HROB: variants seen among roughly 807,000 people sequenced by gnomAD.
The protein encoded by HROB is homologous recombination OB-fold protein.
A neutral mutation model predicts 61.0 loss-of-function variants in HROB; 44 were observed. The observed-to-expected ratio is 0.72, with a 90% CI of 0.57 to 0.93. The LOEUF is 0.93. Among genes scored for constraint, HROB ranks in the 40% least tolerant of loss-of-function variants. The pLI, the probability that HROB is intolerant of heterozygous loss-of-function variation, is 0.00. For missense variants in HROB, 716 were observed against 796.2 expected (o/e 0.90, Z 1.21); for synonymous variants, 301 against 310.4 (o/e 0.97, Z 0.32).
chr17:44,155,824 C>T (rs1246502950), intron 8 of HROB, among the ~76,000 whole-genome samples: 1 of 152,204 alleles, frequency 6.6e-6, no homozygotes, highest in Admixed American at 6.5e-5. Context: ...TCTGTGTCTT[C>T]CCTCTTGGCA....
At position 44,147,908 on chromosome 17, in the gene HROB, G is replaced by A; in HGVS notation, c.105G>A (p.Leu35=). Residue 35 remains leucine, a synonymous_variant, in exon 3 of 10, where the codon CTG becomes CTA. Transcript: ENST00000585683. ...CAGAGAACCGGTTTACTGGCTCACTGCCTGTGAATGCTGGGCGCCTGAGAC... is the reference window on the plus strand; with the variant it reads ...CAGAGAACCGGTTTACTGGCTCACTACCTGTGAATGCTGGGCGCCTGAGAC... The part of the protein sequence containing the change: ...EDAENRFTGS[L]PVNAGRLRPV... 1 of 1,614,092 alleles carries A rather than the reference G, an allele frequency of 6.2e-7. No homozygotes were observed. Among genetic ancestry groups the A allele is most frequent in the Non-Finnish European group, 8.5e-7 (1 of 1,180,018 alleles).
At chr17:44,160,779 C>T (rs73316131) in intron 9 of HROB, among the ~76,000 whole-genome samples, 2,846 of 152,266 alleles carry the variant, frequency 0.019, 76 homozygotes, top group African/African-American at 0.065. Context: ...GCCATTATAT[C>T]TTGTGAAAAA....
Position 44,148,413 on chromosome 17 carries a change from G to A in HROB, c.610G>A (p.Asp204Asn), listed in dbSNP as rs770099032. 1 of 1,614,118 alleles carries A rather than the reference G, an allele frequency of 6.2e-7. No individual in the cohort carries two copies. Among genetic ancestry groups the A allele is most frequent in the Non-Finnish European group, 8.5e-7 (1 of 1,180,012 alleles). The change falls in exon 3 of 10, where the codon GAT (aspartate) becomes AAT (asparagine). Residue 204 changes from aspartate (D) to asparagine (N), a missense_variant. Physicochemically the swap from Asp to Asn is conservative, Grantham distance 23. Transcript: ENST00000585683. ...SVLAKKARVV[D>N]LSGSCQKGPV... ...ATTGGCTAAAAAAGCCCGGGTAGTTGATCTGAGTGGATCTTGCCAGAAGGG... is the reference window on the plus strand; with the variant it reads ...ATTGGCTAAAAAAGCCCGGGTAGTTAATCTGAGTGGATCTTGCCAGAAGGG...
intron 3 of HROB, among the ~76,000 whole-genome samples, chr17:44,150,755 C>A (rs936335047): frequency 6.6e-6 from 1 of 152,190 alleles, no homozygotes; most frequent in Non-Finnish European, 1.5e-5. Flanking sequence ...GGGCGAGCTC[C>A]GGCTTCCTCA....
Position 44,153,216 on chromosome 17 carries a change from G to A in HROB, c.1449+439G>A, listed in dbSNP as rs1398399647. 2.0e-5 allele frequency among the ~76,000 whole-genome samples: 3 copies of A among 152,044 alleles called. No homozygotes were observed. In the East Asian group the frequency reaches 5.8e-4, roughly 29 times the overall value. On this transcript the variant is annotated intron_variant, in intron 5 of 9. Transcript: ENST00000585683. Reference sequence around the variant, plus strand: ...AATCCCAGCATTTTAGGAGGCTGAGGTGGAAGGATCACAAAGGTCAGGAGT... The same window carrying A: ...AATCCCAGCATTTTAGGAGGCTGAGATGGAAGGATCACAAAGGTCAGGAGT...
chr17:44,147,436 C>CTTTTT (rs34538292), intron 2 of HROB, among the ~76,000 whole-genome samples: 1 of 114,754 alleles, frequency 8.7e-6, no homozygotes, highest in Admixed American at 9.0e-5. Context: ...TCTTTTCTTT[C>CTTTTT]TTTTTTTTTT....
At chr17:44,156,665 A>ATTTT (rs755951010) in intron 8 of HROB, among the ~76,000 whole-genome samples, 1 of 143,798 alleles carries the variant, frequency 7.0e-6, no homozygotes. Context: ...ACCGGTATTT[A>ATTTT]TTTATTTTTT....
At chr17:44,149,351 C>T (rs889956781) in intron 3 of HROB, among the ~76,000 whole-genome samples, 3 of 151,800 alleles carry the variant, frequency 2.0e-5, no homozygotes, top group Non-Finnish European at 4.4e-5. Flanking sequence ...TGGGTTTAAG[C>T]GATTCTCCTG....
intron 2 of HROB, among the ~76,000 whole-genome samples, chr17:44,146,110 C>T (rs2053603201): frequency 6.6e-6 from 1 of 152,158 alleles, no homozygotes; most frequent in Admixed American, 6.6e-5. Context: ...AGTGCAATGG[C>T]ACAATCACGG....
rs1364735078 is a variant in HROB, at chr17:44,148,476, G to A, written c.673G>A (p.Ala225Thr). The change falls in exon 3 of 10, where the codon GCC becomes ACC. Residue 225 changes from alanine to threonine, a missense_variant. Transcript: ENST00000585683. ...CATCCACAAAGCGGGTATCATGTCC[G>A]CCCAGGATGAGTCTCTAGATCCTGT... ...PAIHKAGIMS[A>T]QDESLDPVIQ... is the part of the protein sequence containing the mutation. The A allele has an allele frequency of 3.7e-6, 6 of 1,613,934 alleles. No individual in the cohort carries two copies. The highest frequency in any genetic ancestry group is 2.2e-5 in the South Asian group (2 of 91,084).
intron 9 of HROB, among the ~76,000 whole-genome samples, chr17:44,158,397 C>T (rs1411339384): frequency 6.6e-6 from 1 of 152,208 alleles, no homozygotes; most frequent in Non-Finnish European, 1.5e-5. Context: ...AATGCAGACC[C>T]CTTGTGGTTG....
rs1181372683 is a variant in HROB, at chr17:44,154,544, C to T, written c.1450-12C>T. ...CGTGGAAGGCTCAGCATATGCCTCT[C>T]CTTGTAAGCAGGCAGCCCTGAAGCA... On this transcript the variant is annotated splice_polypyrimidine_tract_variant and intron_variant, in intron 5 of 9. Coordinates refer to ENST00000585683, the MANE Select transcript of HROB (RefSeq NM_001171251.3). The T allele has an allele frequency of 3.7e-6, 6 of 1,613,932 alleles. No homozygotes were observed. The East Asian group carries it at 8.9e-5, about 24-fold the overall frequency.
chr17:44,150,382 TTC>T (rs1264321178), intron 3 of HROB, among the ~76,000 whole-genome samples: 1 of 134,178 alleles, frequency 7.5e-6, no homozygotes, highest in Non-Finnish European at 1.5e-5. Flanking sequence ...CAATTTTTCT[TTC>T]TTTCTTTCTT....
chr17:44,152,899 C>A, intron 5 of HROB, 122 bp downstream of exon 5: 1 of 1,233,500 alleles, frequency 8.1e-7, no homozygotes, highest in Non-Finnish European at 1.1e-6. Context: ...CAAGTAGCAG[C>A]ACGAAGCCCC....
intron 7 of HROB, 26 bp from the exon 8 acceptor site, chr17:44,155,260 C>T (rs1460862100): frequency 6.2e-7 from 1 of 1,613,078 alleles, no homozygotes; most frequent in Non-Finnish European, 8.5e-7. Context: ...CATCAGGACA[C>T]TGACCTTCCC....
chr17:44,143,046 C>T (rs1365879150), intron 1 of HROB, among the ~76,000 whole-genome samples: 1 of 152,184 alleles, frequency 6.6e-6, no homozygotes, highest in Admixed American at 6.5e-5. Flanking sequence ...AAGCAATTCT[C>T]CTGCCTTAGA....
intron 7 of HROB, 131 bp from the exon 8 acceptor site, chr17:44,155,155 G>T: frequency 3.5e-6 from 5 of 1,420,304 alleles, no homozygotes; most frequent in Non-Finnish European, 4.8e-6. Flanking sequence ...GGGAGATTGT[G>T]GCAAATGGTT....
At chr17:44,154,784 A>G in intron 6 of HROB, 69 bp from the exon 7 acceptor site, 1 of 1,598,110 alleles carries the variant, frequency 6.3e-7, no homozygotes, top group South Asian at 1.1e-5. Flanking sequence ...CCCACTTCCC[A>G]GCCAGGGCCC....
At chr17:44,153,062 G>A (rs1284835415) in intron 5 of HROB, among the ~76,000 whole-genome samples, 1 of 152,150 alleles carries the variant, frequency 6.6e-6, no homozygotes, top group Non-Finnish European at 1.5e-5. Context: ...CTCCCTAGTG[G>A]TTAAGGGTTG....
Sources: gnomAD v4.1 joint callset for allele counts (sites outside exome capture counted in the v4.1 genomes callset) on GRCh38, gnomAD v4.1.1 for gene constraint, MANE v1.5 for transcripts, NCBI Gene and HGNC (gene_info 2026-07-23, HGNC 2026-07-21) for gene names.